Variants in FMN1 observed in about 807,000 individuals in gnomAD.
The protein encoded by FMN1 is formin-1.
FMN1 carries 110 observed loss-of-function variants against 132.4 expected under a neutral mutation model. The observed-to-expected ratio is 0.83, with a 90% CI of 0.71 to 0.97. The LOEUF (loss-of-function observed/expected upper bound fraction) is 0.97, where lower values mean the gene tolerates loss of function less well. FMN1 is among the 50% of genes least tolerant of loss of function. The probability of loss-of-function intolerance (pLI) is 0.00; values close to 1 mark genes in which losing one functional copy is unlikely to be tolerated. For synonymous variants in FMN1, 722 were observed against 651.7 expected, an observed-to-expected ratio of 1.11 and a Z score of -1.64; for missense variants, 1,792 against 1,705.3, an observed-to-expected ratio of 1.05 and a Z score of -0.90.
intron 6 of FMN1, among the ~76,000 whole-genome samples, chr15:33,057,593 A>C (rs942627195): frequency 6.6e-6 from 1 of 152,194 alleles, no homozygotes; most frequent in Non-Finnish European, 1.5e-5. Context: ...TTCGAACTCA[A>C]GTTTAGTTGA....
Position 32,968,987 on chromosome 15 carries a change from G to A in FMN1, c.2714C>T (p.Pro905Leu). 2 of 1,048,094 alleles carry A rather than the reference G, an allele frequency of 1.9e-6. No homozygotes were observed. Among genetic ancestry groups the A allele is most frequent in the Middle Eastern group, 4.8e-4 (2 of 4,196 alleles). The allele number at this position is 1,048,094 out of a possible 1,614,324, so 64.9% of individuals were successfully genotyped here. ...TAGAGGTGGCGGTGGAGGAGGCGGA[G>A]GTGGTAGCGGTGGCCCAGCACTCAC... ...PPVSAGPPLP[P>L]PPPPPPPLPP... is the part of the protein sequence containing the mutation. Residue 905 changes from proline (P) to leucine (L), a missense_variant, in exon 8 of 21, where the codon CCT becomes CTT. This residue lies in a region of FMN1 where 1,150 missense variants were observed against 1,043.1 expected (regional missense o/e 1.10). Transcript: ENST00000616417.
At chr15:32,966,234 T>C (rs147963620) in intron 8 of FMN1, among the ~76,000 whole-genome samples, 46 of 152,246 alleles carry the variant, frequency 3.0e-4, no homozygotes, top group African/African-American at 1.1e-3. Context: ...TTCACTTATA[T>C]TCTGGAGTAA....
At chr15:33,024,120 C>G (rs1194597468) in intron 6 of FMN1, among the ~76,000 whole-genome samples, 1 of 151,184 alleles carries the variant, frequency 6.6e-6, no homozygotes, top group African/African-American at 2.4e-5. Flanking sequence ...AGATAAACTC[C>G]AAATGGCTAA....
chr15:33,090,805 C>A (rs951958059), intron 4 of FMN1, among the ~76,000 whole-genome samples: 1 of 152,144 alleles, frequency 6.6e-6, no homozygotes, highest in African/African-American at 2.4e-5. Context: ...CTGCTTAGCA[C>A]CTTTGCTTTA....
At chr15:33,041,093 T>C (rs1368306279) in intron 6 of FMN1, among the ~76,000 whole-genome samples, 1 of 151,748 alleles carries the variant, frequency 6.6e-6, no homozygotes, top group Non-Finnish European at 1.5e-5. Flanking sequence ...ATGTCAAGAA[T>C]GCAGAGGTGG....
At chr15:33,019,133 C>T (rs1761478989) in intron 6 of FMN1, among the ~76,000 whole-genome samples, 2 of 152,096 alleles carry the variant, frequency 1.3e-5, no homozygotes, top group South Asian at 4.1e-4. Flanking sequence ...TTACAGAGAG[C>T]TGATTGGTCT....
intron 20 of FMN1, among the ~76,000 whole-genome samples, 170 bp downstream of exon 20, chr15:32,776,665 T>G (rs1402810253): frequency 2.0e-5 from 3 of 151,774 alleles, no homozygotes; most frequent in African/African-American, 7.3e-5. Flanking sequence ...AAAGCTATGT[T>G]TTGTACCTCC....
intron 10 of FMN1, among the ~76,000 whole-genome samples, 186 bp downstream of exon 10, chr15:32,925,988 T>C (rs1461090139): frequency 6.6e-6 from 1 of 152,186 alleles, no homozygotes; most frequent in Non-Finnish European, 1.5e-5. Context: ...ATTTGCTTCA[T>C]AACCTACTTG....
intron 16 of FMN1, among the ~76,000 whole-genome samples, chr15:32,875,588 T>A (rs2059617771): frequency 6.6e-6 from 1 of 152,058 alleles, no homozygotes; most frequent in African/African-American, 2.4e-5. Context: ...CCTATCCACC[T>A]AGGAGCCACG....
chr15:32,957,773 G>T (rs2029983193), intron 9 of FMN1, among the ~76,000 whole-genome samples: 1 of 152,122 alleles, frequency 6.6e-6, no homozygotes, highest in Non-Finnish European at 1.5e-5. Flanking sequence ...ATATTAAGGG[G>T]GTGTTATTCC....
At chr15:32,950,054 C>CAT (rs1226548479) in intron 9 of FMN1, among the ~76,000 whole-genome samples, 275 of 4,908 alleles carry the variant, frequency 0.056, 65 homozygotes, top group Non-Finnish European at 0.11. Flanking sequence ...TATATATACA[C>CAT]ATATATATAT....
intron 19 of FMN1, among the ~76,000 whole-genome samples, chr15:32,783,096 T>G (rs953892725): frequency 6.6e-6 from 1 of 151,954 alleles, no homozygotes; most frequent in Non-Finnish European, 1.5e-5. Context: ...CCTGCCACTA[T>G]GAAATACATC....
chr15:32,867,349 G>C (rs1195747640), intron 16 of FMN1, among the ~76,000 whole-genome samples: 3 of 152,120 alleles, frequency 2.0e-5, no homozygotes, highest in East Asian at 1.9e-4. Flanking sequence ...GCCTCACCCT[G>C]CTCTCCCTGC....
At chr15:33,061,699 A>G (rs1178719969) in intron 6 of FMN1, among the ~76,000 whole-genome samples, 3 of 152,148 alleles carry the variant, frequency 2.0e-5, no homozygotes, top group Admixed American at 1.3e-4. Flanking sequence ...TAATGCTACA[A>G]TAAGATATAG....
chr15:32,792,713 T>G (rs1328802132), intron 19 of FMN1, among the ~76,000 whole-genome samples: 1 of 152,150 alleles, frequency 6.6e-6, no homozygotes, highest in African/African-American at 2.4e-5. Context: ...AAGTGATGTG[T>G]GCACCTTCCA....
rs376503929 is a variant in FMN1 at position 32,969,356 on chromosome 15, T to A, written c.2345A>T (p.Glu782Val). The A allele has an allele frequency of 3.8e-5, 61 of 1,613,840 alleles. No homozygotes were observed. The highest frequency in any genetic ancestry group is 5.0e-5 in the Non-Finnish European group (59 of 1,179,882). ...GGAAATGCACACATCTTTCCTCTCTTCACAACCCCCTCGCCATCTGTGTTC... is the reference window on the plus strand; with the variant it reads ...GGAAATGCACACATCTTTCCTCTCTACACAACCCCCTCGCCATCTGTGTTC... The part of the protein sequence containing the change: ...ELEHRWRGGC[E>V]ERKDVCISTD... The change falls in exon 8 of 21, where the codon GAA becomes GTA. Residue 782 changes from glutamate to valine, a missense_variant. By Grantham distance (121) the Glu-to-Val change is moderately radical. Coordinates refer to ENST00000616417, the MANE Select transcript of FMN1 (RefSeq NM_001277313.2).
chr15:33,042,157 G>A (rs2036470547), intron 6 of FMN1, among the ~76,000 whole-genome samples: 1 of 151,986 alleles, frequency 6.6e-6, no homozygotes, highest in Non-Finnish European at 1.5e-5. Context: ...AAAAAATAAT[G>A]AGAAAAATCC....
intron 2 of FMN1, among the ~76,000 whole-genome samples, chr15:33,187,146 T>G (rs191241937): frequency 1.3e-5 from 2 of 152,214 alleles, no homozygotes; most frequent in Admixed American, 1.3e-4. Flanking sequence ...TTCAGAAACA[T>G]TGATATTAAT....
At chr15:32,994,354 C>T (rs1274208900) in intron 7 of FMN1, among the ~76,000 whole-genome samples, 4 of 151,912 alleles carry the variant, frequency 2.6e-5, no homozygotes, top group African/African-American at 4.8e-5. Flanking sequence ...GCTACATTTC[C>T]CACCTCTCTC....
Sources: allele counts gnomAD v4.1 joint callset (sites outside exome capture counted in the v4.1 genomes callset), GRCh38; gene constraint gnomAD v4.1.1; regional missense constraint gnomAD v4.1.1; transcripts MANE v1.5; gene names NCBI Gene and HGNC (gene_info 2026-07-23, HGNC 2026-07-21).